B3GAT1: variants seen among roughly 807,000 people sequenced by gnomAD.
B3GAT1 encodes the protein beta-1,3-glucuronyltransferase 1.
A neutral mutation model predicts 28.4 loss-of-function variants in B3GAT1; 11 were observed. The ratio of observed to expected loss-of-function variants is 0.39; its 90% CI spans 0.24 to 0.64. B3GAT1 has a LOEUF of 0.64. B3GAT1 is among the 30% of genes least tolerant of loss of function. The probability of loss-of-function intolerance (pLI) is 0.50; values close to 1 mark genes in which losing one functional copy is unlikely to be tolerated. For missense variants in B3GAT1, 375 were observed against 491.0 expected (o/e 0.76, Z 2.23); for synonymous variants, 255 against 223.1 (o/e 1.14, Z -1.27).
At chr11:134,397,650 C>G (rs1260970495) in intron 1 of B3GAT1, among the ~76,000 whole-genome samples, 1 of 152,192 alleles carries the variant, frequency 6.6e-6, no homozygotes, top group Non-Finnish European at 1.5e-5. Flanking sequence ...CACCCAGAGC[C>G]GCGGGGGGTC....
In B3GAT1 at chr11:134,383,675, C is replaced by G; in HGVS notation, c.621+5G>C. ...CCCGCTGCTCACTGTCGGGCCCTCCCTCACCTCTTCGAAGAGCTCCAGGCT... is the reference window on the plus strand; with the variant it reads ...CCCGCTGCTCACTGTCGGGCCCTCCGTCACCTCTTCGAAGAGCTCCAGGCT... On this transcript the variant is annotated splice_donor_5th_base_variant and intron_variant, in intron 3 of 5. Transcript: ENST00000312527. The G allele has an allele frequency of 6.4e-7, 1 of 1,559,498 alleles. No individual in the cohort carries two copies.
intron 2 of B3GAT1, chr11:134,384,471 C>T (rs144406923): frequency 2.8e-5 from 13 of 461,548 alleles, no homozygotes; most frequent in Non-Finnish European, 4.9e-5. Context: ...TCCAAGATTG[C>T]ATCCTCAGTT....
At chr11:134,403,154 T>C (rs943449758) in intron 1 of B3GAT1, among the ~76,000 whole-genome samples, 12 of 152,076 alleles carry the variant, frequency 7.9e-5, no homozygotes, top group African/African-American at 4.8e-5. Context: ...ACCACCGACA[T>C]GTAGCCCAAG....
intron 1 of B3GAT1, among the ~76,000 whole-genome samples, chr11:134,409,327 G>A (rs970649646): frequency 1.3e-5 from 2 of 152,156 alleles, no homozygotes; most frequent in African/African-American, 2.4e-5. Flanking sequence ...CCTGGGGAGG[G>A]GGTGCATGAC....
chr11:134,411,231 G>C lies in B3GAT1; in HGVS notation c.-282+576C>G, dbSNP rs1318357978. ...TCAGACCTGAGCCCAGGTGCAGATG[G>C]GAGGGTGGTGAACTGGTCGCGCCTC... On this transcript the variant is annotated intron_variant, in intron 1 of 5. Transcript: ENST00000312527. This position sits in a 1 kb window ranked among gnomAD's most constrained non-coding sequence, Gnocchi z 6.0. 1.3e-5 allele frequency among the ~76,000 whole-genome samples: 2 copies of C among 152,180 alleles called. No individual in the cohort carries two copies. The highest frequency in any genetic ancestry group is 2.9e-5 in the Non-Finnish European group (2 of 68,026).
intron 4 of B3GAT1, 48 bp downstream of exon 4, chr11:134,382,662 G>A: frequency 6.3e-7 from 1 of 1,580,686 alleles, no homozygotes; most frequent in Non-Finnish European, 8.6e-7. Context: ...GGGTCTGGAT[G>A]TACTTGAGAC....
chr11:134,396,369 CCA>C (rs1303389454), intron 1 of B3GAT1, among the ~76,000 whole-genome samples: 1 of 152,188 alleles, frequency 6.6e-6, no homozygotes, highest in Non-Finnish European at 1.5e-5. Context: ...CAGAACCCAG[CCA>C]CAGTCATAGC....
rs1205413531 is a variant in B3GAT1, at chr11:134,381,944, C to T, written c.999G>A (p.Glu333=). The T allele has an allele frequency of 6.2e-7, 1 of 1,613,956 alleles. No individual in the cohort carries two copies. The highest frequency in any genetic ancestry group is 8.5e-7 in the Non-Finnish European group (1 of 1,180,022). Residue 333 remains glutamate (E), a synonymous_variant, in exon 5 of 6, where the codon GAG becomes GAA. Coordinates refer to ENST00000312527, the MANE Select transcript of B3GAT1 (RefSeq NM_054025.3). ...GKKGFTDPSV[E]I ...CATACCTGCATCCTGAGGCTCAGAT[C>T]TCCACCGAGGGGTCAGTGAAGCCCT...
intron 1 of B3GAT1, among the ~76,000 whole-genome samples, chr11:134,398,133 AG>A (rs1944539545): frequency 1.3e-5 from 2 of 152,316 alleles, no homozygotes; most frequent in East Asian, 3.9e-4. Context: ...GTGACTTCAC[AG>A]GGCAGCTGGC....
At chr11:134,385,290 C>T (rs1376793045) in intron 2 of B3GAT1, 4 of 152,352 alleles carry the variant, frequency 2.6e-5, no homozygotes, top group Non-Finnish European at 5.9e-5. Flanking sequence ...AAGGGGAGGA[C>T]CCCGGGCATC....
chr11:134,392,724 G>C (rs1342765503), intron 1 of B3GAT1, among the ~76,000 whole-genome samples: 1 of 152,202 alleles, frequency 6.6e-6, no homozygotes, highest in African/African-American at 2.4e-5. Flanking sequence ...TAAGGACTAG[G>C]GGGTGTCTGG....
At chr11:134,383,560 C>T in intron 3 of B3GAT1, 120 bp downstream of exon 3, 1 of 1,340,104 alleles carries the variant, frequency 7.5e-7, no homozygotes, top group Non-Finnish European at 9.9e-7. Context: ...CTGCCCCGCT[C>T]CCAGCCCGGC....
At chr11:134,400,463 T>C (rs931792280) in intron 1 of B3GAT1, among the ~76,000 whole-genome samples, 1 of 152,170 alleles carries the variant, frequency 6.6e-6, no homozygotes, top group Non-Finnish European at 1.5e-5. Flanking sequence ...TGGCACACAA[T>C]TGGCACTATG....
chr11:134,404,153 A>C (rs1004006897), intron 1 of B3GAT1, among the ~76,000 whole-genome samples: 3 of 151,156 alleles, frequency 2.0e-5, no homozygotes, highest in African/African-American at 7.3e-5. Flanking sequence ...AATATCTCCT[A>C]ATGCTATCCC....
intron 1 of B3GAT1, among the ~76,000 whole-genome samples, chr11:134,403,287 G>A (rs570520397): frequency 6.6e-6 from 1 of 152,274 alleles, no homozygotes; most frequent in Admixed American, 6.5e-5. Context: ...TCCCGGGAAG[G>A]CAGCAGGGAT....
chr11:134,406,281 T>C (rs1479615202), intron 1 of B3GAT1, among the ~76,000 whole-genome samples: 1 of 152,256 alleles, frequency 6.6e-6, no homozygotes, highest in African/African-American at 2.4e-5. Flanking sequence ...TAACCATGCC[T>C]CCTTTGCTGC....
At position 134,383,719 on chromosome 11, in the gene B3GAT1, G is replaced by A. The variant is rs370735130; in HGVS notation, c.582C>T (p.Ala194=). The change falls in exon 3 of 6, where the codon GCC becomes GCT. Residue 194 remains alanine (A), a synonymous_variant. Transcript: ENST00000312527. ...CCAGGCTGTAGGTGTTGTCGTCGTC[G>A]GCGAAGTAGACCACGCCAGGCTGGC... ...NSSQPGVVYF[A]DDDNTYSLEL... The A allele has an allele frequency of 1.8e-5, 29 of 1,591,306 alleles. No homozygotes were observed. The highest frequency in any genetic ancestry group is 6.7e-5 in the South Asian group (6 of 89,070).
chr11:134,391,217 A>G (rs958281417), intron 1 of B3GAT1: 1 of 152,244 alleles, frequency 6.6e-6, no homozygotes, highest in African/African-American at 2.4e-5. Context: ...GGAGGCTATT[A>G]TAAGCATAGT....
chr11:134,401,688 C>T (rs1302255849), intron 1 of B3GAT1, among the ~76,000 whole-genome samples: 1 of 151,990 alleles, frequency 6.6e-6, no homozygotes, highest in African/African-American at 2.4e-5. Flanking sequence ...CATAATATAC[C>T]CGGGTAACAA....
Sources: allele counts gnomAD v4.1 joint callset (sites outside exome capture counted in the v4.1 genomes callset), GRCh38; gene constraint gnomAD v4.1.1; non-coding constraint Gnocchi (gnomAD v3.1); transcripts MANE v1.5; gene names NCBI Gene and HGNC (gene_info 2026-07-23, HGNC 2026-07-21).